Variants in COL6A5 observed in about 807,000 individuals in gnomAD.
The protein encoded by COL6A5 is collagen alpha-5(VI) chain.
COL6A5 carries 48 observed loss-of-function variants against 65.6 expected under a neutral mutation model. The ratio of observed to expected loss-of-function variants is 0.73; its 90% CI spans 0.58 to 0.93. The LOEUF (loss-of-function observed/expected upper bound fraction) is 0.93, where lower values mean the gene tolerates loss of function less well. COL6A5 is among the 40% of genes least tolerant of loss of function. The pLI, the probability that COL6A5 is intolerant of heterozygous loss-of-function variation, is 0.00. For synonymous variants in COL6A5, 291 were observed against 322.8 expected (o/e 0.90, Z 1.05); for missense variants, 914 against 928.3 (o/e 0.98, Z 0.20).
At chr3:130,451,291 G>A (rs142331153) in intron 4 of COL6A5, among the ~76,000 whole-genome samples, 12 of 152,276 alleles carry the variant, frequency 7.9e-5, no homozygotes, top group Middle Eastern at 3.4e-3. Flanking sequence ...TGGAGTTGGC[G>A]TAGAAGTGAC....
At chr3:130,481,003 G>A (rs1011659084) in intron 7 of COL6A5, among the ~76,000 whole-genome samples, 9 of 152,042 alleles carry the variant, frequency 5.9e-5, no homozygotes, top group African/African-American at 2.2e-4. Context: ...AGGCTGCAGA[G>A]ATTTCCTGAG....
In COL6A5 at chr3:130,434,098, C is replaced by A. The variant is rs1203151473; in HGVS notation, c.487+2149C>A. On this transcript the variant is annotated intron_variant, in intron 1 of 7. Transcript: ENST00000512836. ...TAAGTTTCCTCGCCTCAACCCCCAC[C>A]CCTCGACAGGCCCTGGTGTGTGTTG... Among the ~76,000 whole-genome samples the A allele has an allele frequency of 2.6e-5, 4 of 152,158 alleles. No homozygotes were observed. The East Asian group carries it at 7.7e-4, about 29-fold the overall frequency.
At chr3:130,379,548 T>C in exon 4 of COL6A5, 2 of 1,551,376 alleles carry the variant, frequency 1.3e-6, no homozygotes, top group South Asian at 1.2e-5. Flanking sequence ...GCTCCATGGA[T>C]GTGAAGGAAA....
intron 5 of COL6A5, among the ~76,000 whole-genome samples, chr3:130,456,652 A>G (rs867255796): frequency 6.6e-6 from 1 of 152,092 alleles, no homozygotes; most frequent in African/African-American, 2.4e-5. Context: ...CAAAGAGACT[A>G]TTCAGCCATT....
chr3:130,473,846 C>T (rs1710022227), intron 7 of COL6A5, among the ~76,000 whole-genome samples: 1 of 152,108 alleles, frequency 6.6e-6, no homozygotes, highest in African/African-American at 2.4e-5. Flanking sequence ...TCAGGGGCTG[C>T]CTTTGCTCAC....
intron 7 of COL6A5, 67 bp from the exon 40 acceptor site, chr3:130,471,615 T>C (rs998472591): frequency 7.3e-7 from 1 of 1,367,626 alleles, no homozygotes; most frequent in African/African-American, 1.4e-5. Flanking sequence ...TATCTGGTGG[T>C]ATTCACATTT....
At position 130,391,839 on chromosome 3, in the gene COL6A5, A is replaced by T. The variant is rs1394629191; in HGVS notation, c.2992+85A>T. 8.8e-5 allele frequency: 89 copies of T among 1,007,118 alleles called. No homozygotes were observed. The South Asian group carries it at 1.3e-3, about 15-fold the overall frequency. The allele number at this position is 1,007,118 out of a possible 1,614,324, so 62.4% of individuals were successfully genotyped here. On this transcript the variant is annotated intron_variant and NMD_transcript_variant, in intron 7 of 41. Coordinates refer to the COL6A5 transcript ENST00000312481. The stretch of plus-strand genomic sequence containing the variant: ...AATCATAAGTCTCAGGTCTCCGATT[A>T]CCTGGATGTTATGGACTGAACATTT...
At chr3:130,376,608 G>A (rs1350767285) in exon 3 of COL6A5, 6 of 1,610,252 alleles carry the variant, frequency 3.7e-6, no homozygotes, top group Non-Finnish European at 5.1e-6. Flanking sequence ...GGCTGAGTCT[G>A]AGGATGAAGT....
intron 1 of COL6A5, among the ~76,000 whole-genome samples, chr3:130,367,824 T>G (rs1935397154): frequency 6.6e-6 from 1 of 152,192 alleles, no homozygotes; most frequent in Admixed American, 6.5e-5. Flanking sequence ...ATGAGTCGGA[T>G]TTGGTCAGGC....
chr3:130,468,678 C>T, intron 5 of COL6A5, 117 bp from the exon 38 acceptor site: 3 of 692,042 alleles, frequency 4.3e-6, no homozygotes, highest in Non-Finnish European at 4.8e-6. Context: ...TGATGTCTGC[C>T]ATGAGTATGG....
intron 22 of COL6A5, among the ~76,000 whole-genome samples, chr3:130,415,412 T>C (rs187763847): frequency 6.6e-6 from 1 of 152,260 alleles, no homozygotes; most frequent in African/African-American, 2.4e-5. Context: ...TTATTTCCTC[T>C]GTAGAAGAGG....
At chr3:130,460,958 C>T (rs1007217933) in intron 5 of COL6A5, among the ~76,000 whole-genome samples, 4 of 151,600 alleles carry the variant, frequency 2.6e-5, no homozygotes, top group African/African-American at 9.7e-5. Context: ...GTAGTGGTGA[C>T]GGCAAGTTGG....
At chr3:130,370,815 A>G (rs1373966240) in intron 1 of COL6A5, among the ~76,000 whole-genome samples, 1 of 152,212 alleles carries the variant, frequency 6.6e-6, no homozygotes, top group Non-Finnish European at 1.5e-5. Context: ...TTCCACCTCT[A>G]CAAAATTAAG....
At chr3:130,465,026 A>G (rs1313862459) in intron 5 of COL6A5, among the ~76,000 whole-genome samples, 1 of 152,132 alleles carries the variant, frequency 6.6e-6, no homozygotes, top group Non-Finnish European at 1.5e-5. Flanking sequence ...CAAACAAAAC[A>G]TTTGAAATAA....
intron 7 of COL6A5, 96 bp downstream of exon 40, chr3:130,472,022 T>C (rs1709965549): frequency 8.4e-7 from 1 of 1,193,494 alleles, no homozygotes; most frequent in Non-Finnish European, 1.2e-6. Context: ...CTGGGAGAGG[T>C]AGAGATGACA....
chr3:130,406,866 G>A (rs911887472), intron 17 of COL6A5, among the ~76,000 whole-genome samples: 1 of 152,144 alleles, frequency 6.6e-6, no homozygotes, highest in Non-Finnish European at 1.5e-5. Context: ...TCATTTGACA[G>A]GTTTGTCATG....
At chr3:130,373,807 T>C in intron 2 of COL6A5, 102 bp downstream of exon 2, 1 of 761,470 alleles carries the variant, frequency 1.3e-6, no homozygotes, top group Non-Finnish European at 2.2e-6. Flanking sequence ...AAAATCAAAG[T>C]ATGCAGCATT....
At chr3:130,432,602 T>C (rs1937868709) in intron 1 of COL6A5, among the ~76,000 whole-genome samples, 1 of 151,030 alleles carries the variant, frequency 6.6e-6, no homozygotes, top group African/African-American at 2.4e-5. Context: ...GACTTAACTA[T>C]ATACCACTAC....
chr3:130,386,713 G>T (rs1322575017), intron 5 of COL6A5, among the ~76,000 whole-genome samples: 2 of 151,996 alleles, frequency 1.3e-5, no homozygotes, highest in Admixed American at 1.3e-4. Context: ...GAAGGTCCTG[G>T]ACGAATCTAG....
Sources: gnomAD v4.1 joint callset for allele counts (sites outside exome capture counted in the v4.1 genomes callset) on GRCh38, gnomAD v4.1.1 for gene constraint, MANE v1.5 for transcripts, NCBI Gene and HGNC (gene_info 2026-07-23, HGNC 2026-07-21) for gene names.